Variants in VAMP7 observed in about 807,000 individuals in gnomAD.
VAMP7 encodes the protein vesicle-associated membrane protein 7.
A neutral mutation model predicts 29.6 loss-of-function variants in VAMP7; 14 were observed. The observed-to-expected ratio is 0.47, with a 90% CI of 0.31 to 0.74. VAMP7 has a LOEUF of 0.74. Ranked by LOEUF, VAMP7 falls within the 30% of genes least tolerant of loss-of-function variation. VAMP7 has a pLI of 0.05. For missense variants in VAMP7, 223 were observed against 262.4 expected, an observed-to-expected ratio of 0.85 and a Z score of 1.04; for synonymous variants, 95 against 88.1, an observed-to-expected ratio of 1.08 and a Z score of -0.44.
intron 6 of VAMP7, among the ~76,000 whole-genome samples, chrX:155,930,923 A>G (rs987467254): frequency 9.2e-5 from 14 of 151,494 alleles, no homozygotes; most frequent in African/African-American, 3.4e-4. Flanking sequence ...AGGTGTTCTC[A>G]TTGTTCAGTT....
At chrX:155,932,326 C>T (rs2066572174) in intron 6 of VAMP7, among the ~76,000 whole-genome samples, 1 of 152,162 alleles carries the variant, frequency 6.6e-6, no homozygotes, top group Non-Finnish European at 1.5e-5. Context: ...GATATTGATT[C>T]TTCCTATCCA....
Position 155,931,207 on chromosome X carries a change from A to G in VAMP7, c.502-8494A>G, listed in dbSNP as rs774168212. 3.3e-5 allele frequency among the ~76,000 whole-genome samples: 5 copies of G among 152,170 alleles called. No homozygotes were observed. In the East Asian group the frequency reaches 9.6e-4, roughly 29 times the overall value. ...TGTCTTGATAGCAGCATGATTTATAATCCTTTGGGTATATACCCAGTAATG... is the reference window on the plus strand; with the variant it reads ...TGTCTTGATAGCAGCATGATTTATAGTCCTTTGGGTATATACCCAGTAATG... On this transcript the variant is annotated intron_variant, in intron 6 of 7. Transcript: ENST00000286448.
chrX:155,883,537 A>T (rs1264942040), intron 1 of VAMP7, among the ~76,000 whole-genome samples: 1 of 152,138 alleles, frequency 6.6e-6, no homozygotes, highest in East Asian at 1.9e-4. Flanking sequence ...AATGTAATAG[A>T]TCCTACTGCA....
intron 1 of VAMP7, among the ~76,000 whole-genome samples, chrX:155,883,423 G>A (rs2065827560): frequency 6.6e-6 from 1 of 152,044 alleles, no homozygotes; most frequent in Admixed American, 6.5e-5. Flanking sequence ...AATTTGGTGG[G>A]CCAGTTAATT....
At chrX:155,920,040 T>G (rs2066373304) in intron 6 of VAMP7, among the ~76,000 whole-genome samples, 160 bp downstream of exon 6, 2 of 152,108 alleles carry the variant, frequency 1.3e-5, no homozygotes, top group South Asian at 4.2e-4. Flanking sequence ...AGGATAACAA[T>G]GAGGCATAGA....
intron 6 of VAMP7, among the ~76,000 whole-genome samples, chrX:155,926,404 T>G (rs2066467353): frequency 6.6e-6 from 1 of 152,238 alleles, no homozygotes. Flanking sequence ...TTTTATGTTA[T>G]AGAGATGGCT....
At chrX:155,886,219 T>C (rs1379981440) in intron 1 of VAMP7, among the ~76,000 whole-genome samples, 1 of 152,198 alleles carries the variant, frequency 6.6e-6, no homozygotes, top group Admixed American at 6.5e-5. Context: ...TAACTTCAAG[T>C]GCAGTGTTCA....
Position 155,933,250 on chromosome X carries a change from A to C in VAMP7, c.502-6451A>C, listed in dbSNP as rs1427450415. Among the ~76,000 whole-genome samples, 4 of 152,140 alleles carry C rather than the reference A, an allele frequency of 2.6e-5. No individual in the cohort carries two copies. In the South Asian group the frequency reaches 6.2e-4, roughly 24 times the overall value. Reference sequence around the variant, plus strand: ...GTTAGGGAGGATTCCCTCATTTTCTATTGATAGGAATAGTTTCAGAAGGAA... The same window carrying C: ...GTTAGGGAGGATTCCCTCATTTTCTCTTGATAGGAATAGTTTCAGAAGGAA... On this transcript the variant is annotated intron_variant, in intron 6 of 7. Transcript: ENST00000286448.
chrX:155,911,544 T>C (rs1460972858), intron 5 of VAMP7, among the ~76,000 whole-genome samples: 1 of 152,148 alleles, frequency 6.6e-6, no homozygotes, highest in East Asian at 1.9e-4. Context: ...GCTTTGGGCT[T>C]ATGGTCATTT....
intron 5 of VAMP7, 77 bp from the exon 6 acceptor site, chrX:155,919,736 A>G (rs1310037945): frequency 3.1e-6 from 4 of 1,280,466 alleles, no homozygotes; most frequent in East Asian, 2.5e-5. Flanking sequence ...TCATTAAGTT[A>G]TATTACTTTT....
At chrX:155,897,393 A>G (rs1008513088) in intron 3 of VAMP7, among the ~76,000 whole-genome samples, 2 of 152,116 alleles carry the variant, frequency 1.3e-5, no homozygotes, top group Admixed American at 6.6e-5. Context: ...TGGCTTCACA[A>G]TATTTTCCAA....
Position 155,942,085 on chromosome X carries a change from C to T in VAMP7, c.*134C>T. The T allele has an allele frequency of 6.4e-7, 1 of 1,563,990 alleles. No homozygotes were observed. Among genetic ancestry groups the T allele is most frequent in the Non-Finnish European group, 8.7e-7 (1 of 1,153,244 alleles). ...CAACCCTCTTCTCACTTTTTAAAAT[C>T]TTGTTCCATGCCTCCAGGTTTATCT... On this transcript the variant is annotated 3_prime_UTR_variant, in exon 8 of 8. Transcript: ENST00000286448.
chrX:155,897,285 A>G (rs1236873608), intron 3 of VAMP7, among the ~76,000 whole-genome samples: 4 of 152,128 alleles, frequency 2.6e-5, no homozygotes, highest in Admixed American at 6.6e-5. Flanking sequence ...AATTTGGACC[A>G]TTGACCCCAA....
chrX:155,935,603 A>T (rs772671652), intron 6 of VAMP7, among the ~76,000 whole-genome samples: 1 of 151,914 alleles, frequency 6.6e-6, no homozygotes, highest in African/African-American at 2.4e-5. Context: ...CCATTCATCT[A>T]ATCTTTTTTT....
intron 5 of VAMP7, among the ~76,000 whole-genome samples, chrX:155,903,871 C>G (rs965021183): frequency 3.9e-5 from 6 of 152,048 alleles, no homozygotes; most frequent in Admixed American, 3.9e-4. Context: ...TACCCAAGGA[C>G]TATAAATCAT....
chrX:155,898,234 C>T lies in VAMP7; in HGVS notation c.327C>T (p.Val109=), dbSNP rs28494975. 1 of 1,613,236 alleles carries T rather than the reference C, an allele frequency of 6.2e-7. No individual in the cohort carries two copies. The highest frequency in any genetic ancestry group is 8.5e-7 in the Non-Finnish European group (1 of 1,179,536). ...PYAMNSEFSS[V]LAAQLKHHSE... ...CCATGAATAGCGAGTTCTCAAGTGT[C>T]TTAGCTGCACAGCTGGTAAGATCTT... Residue 109 remains valine (V), a synonymous_variant, in exon 4 of 8, where the codon GTC becomes GTT. Transcript: ENST00000286448.
intron 4 of VAMP7, among the ~76,000 whole-genome samples, chrX:155,899,129 T>C (rs5983811): frequency 0.63 from 95,173 of 151,708 alleles, 30,152 homozygotes; most frequent in African/African-American, 0.72. Context: ...TGTGGACATA[T>C]GTTTTTATTT....
chrX:155,896,749 C>T (rs1327629933), intron 3 of VAMP7, among the ~76,000 whole-genome samples: 2 of 152,104 alleles, frequency 1.3e-5, no homozygotes, highest in African/African-American at 4.8e-5. Flanking sequence ...GCTGCATGCT[C>T]ATTTCTAAAC....
intron 6 of VAMP7, among the ~76,000 whole-genome samples, chrX:155,922,226 C>T (rs753942837): frequency 2.0e-4 from 31 of 151,822 alleles, no homozygotes; most frequent in Non-Finnish European, 3.7e-4. Flanking sequence ...TTTTATTTTC[C>T]TTCCCTTATT....
Sources: allele counts gnomAD v4.1 joint callset (sites outside exome capture counted in the v4.1 genomes callset), GRCh38; gene constraint gnomAD v4.1.1; transcripts MANE v1.5; gene names NCBI Gene and HGNC (gene_info 2026-07-23, HGNC 2026-07-21).